FOXN3: variants seen among roughly 807,000 people sequenced by gnomAD.
FOXN3 encodes forkhead box protein N3.
Under a neutral mutation model 38.4 loss-of-function variants are expected in FOXN3, and 7 were observed. That is an observed-to-expected ratio of 0.18 (90% CI 0.10 to 0.34). The LOEUF (loss-of-function observed/expected upper bound fraction) is 0.34, where lower values mean the gene tolerates loss of function less well. Ranked by LOEUF, FOXN3 falls within the 10% of genes least tolerant of loss-of-function variation. The probability of loss-of-function intolerance (pLI) is 1.00; values close to 1 mark genes in which losing one functional copy is unlikely to be tolerated. For missense variants in FOXN3, 456 were observed against 613.4 expected (o/e 0.74, Z 2.71); for synonymous variants, 230 against 242.2 (o/e 0.95, Z 0.47).
chr14:89,455,207 C>T (rs1199527175), intron 1 of FOXN3, among the ~76,000 whole-genome samples: 1 of 152,060 alleles, frequency 6.6e-6, no homozygotes, highest in East Asian at 1.9e-4. Flanking sequence ...CCTGCCCGGC[C>T]GATATGCCAT....
At chr14:89,419,439 G>A (rs1891846134), upstream of FOXN3, 1 of 321,302 alleles carries the variant, frequency 3.1e-6, no homozygotes, top group African/African-American at 2.2e-5. Context: ...AAGGACCCTT[G>A]CGTCTTAGGT....
chr14:89,601,347 T>C (rs1332980291), intron 1 of FOXN3, among the ~76,000 whole-genome samples: 1 of 152,226 alleles, frequency 6.6e-6, no homozygotes, highest in African/African-American at 2.4e-5. Flanking sequence ...ATGCATTGTG[T>C]TTGCATCCTA....
chr14:89,511,624 A>G (rs528106034), intron 1 of FOXN3, among the ~76,000 whole-genome samples: 2 of 152,268 alleles, frequency 1.3e-5, no homozygotes, highest in Non-Finnish European at 2.9e-5. Flanking sequence ...TACCCCCTAC[A>G]GGACTGCACC....
At chr14:89,244,988 T>C (rs1885248153) in intron 4 of FOXN3, among the ~76,000 whole-genome samples, 1 of 152,168 alleles carries the variant, frequency 6.6e-6, no homozygotes, top group African/African-American at 2.4e-5. Flanking sequence ...CCTTCGACTC[T>C]AGGGGTGTGG....
intron 4 of FOXN3, among the ~76,000 whole-genome samples, chr14:89,237,510 G>A (rs1057352019): frequency 3.6e-5 from 5 of 139,516 alleles, no homozygotes; most frequent in Admixed American, 1.5e-4. Context: ...TGATAGAAAT[G>A]TTCTGTATCT....
chr14:89,405,372 A>G (rs927015015), intron 2 of FOXN3, among the ~76,000 whole-genome samples: 1 of 152,110 alleles, frequency 6.6e-6, no homozygotes, highest in African/African-American at 2.4e-5. Flanking sequence ...CCTGGCCTCA[A>G]ATGATGCCCC....
At chr14:89,212,876 A>G (rs927194737) in intron 4 of FOXN3, among the ~76,000 whole-genome samples, 10 of 152,126 alleles carry the variant, frequency 6.6e-5, no homozygotes, top group African/African-American at 2.2e-4. Flanking sequence ...ACCGCTAAGG[A>G]GCAGTTACTT....
chr14:89,616,982 T>C (rs1896507628), intron 1 of FOXN3, among the ~76,000 whole-genome samples: 1 of 152,206 alleles, frequency 6.6e-6, no homozygotes, highest in Admixed American at 6.5e-5. Context: ...AGCCAACAAG[T>C]TCTCCAGGCA....
In FOXN3 at chr14:89,205,921, G is replaced by A. The variant is rs187891812; in HGVS notation, c.746-25115C>T. ...TGCATCCCTGTCACGCGCCCTGGGA[G>A]CGGGTTAAGGGAACTTCTCCCGTTT... On this transcript the variant is annotated intron_variant, in intron 4 of 5. Coordinates refer to ENST00000557258, the MANE Select transcript of FOXN3 (RefSeq NM_005197.4). Among the ~76,000 whole-genome samples the A allele has an allele frequency of 3.6e-3, 554 of 152,336 alleles. 3 individuals carry two copies. Among genetic ancestry groups the A allele is most frequent in the Middle Eastern group, 6.8e-3 (2 of 294 alleles).
At chr14:89,230,626 T>G (rs1298852787) in intron 4 of FOXN3, 1 of 233,006 alleles carries the variant, frequency 4.3e-6, no homozygotes, top group East Asian at 9.4e-5. Context: ...ATCATATTTA[T>G]TGTTTCTTGT....
In FOXN3 at chr14:89,157,376, C is replaced by G. The variant is rs550464111; in HGVS notation, c.*5038G>C. ...CACACATTATTCATGATAAAGCAAC[C>G]GAGCTGACGAGTCTGTGCTTAATTC... On this transcript the variant is annotated 3_prime_UTR_variant, in exon 6 of 6. Transcript: ENST00000557258. The G allele has an allele frequency of 5.4e-4, 82 of 152,696 alleles. No individual in the cohort carries two copies. Among genetic ancestry groups the G allele is most frequent in the African/African-American group, 1.9e-3 (80 of 41,530 alleles). 9.5% of individuals were successfully genotyped at this position (152,696 alleles called of 1,614,324 possible).
Position 89,488,203 on chromosome 14 carries a change from C to T in FOXN3, c.-14-75713G>A, listed in dbSNP as rs917406177. 7.2e-5 allele frequency among the ~76,000 whole-genome samples: 11 copies of T among 152,082 alleles called. No individual in the cohort carries two copies. In the East Asian group the frequency reaches 2.1e-3, roughly 29 times the overall value. On this transcript the variant is annotated intron_variant, in intron 1 of 6. Transcript: ENST00000345097. ...GTTCAAGCGATTCTCCTGCCTCAGC[C>T]TCCCCAGTAGCTGGGATCACAGGAG...
intron 1 of FOXN3, among the ~76,000 whole-genome samples, chr14:89,489,744 C>T (rs889333768): frequency 5.3e-5 from 8 of 152,270 alleles, no homozygotes; most frequent in South Asian, 2.1e-4. Context: ...ACCTGAATTG[C>T]GCTTTATTCC....
intron 2 of FOXN3, among the ~76,000 whole-genome samples, chr14:89,410,889 AAAAAAG>A (rs1489802370): frequency 1.1e-4 from 16 of 147,096 alleles, no homozygotes; most frequent in South Asian, 2.1e-4. Flanking sequence ...AAAAGAGGAA[AAAAAAG>A]AAAAAAGAAA....
intron 3 of FOXN3, among the ~76,000 whole-genome samples, chr14:89,304,403 G>C (rs1011410536): frequency 2.0e-5 from 3 of 152,178 alleles, no homozygotes; most frequent in Non-Finnish European, 4.4e-5. Context: ...AGACAGGAGA[G>C]AGATGTTTGT....
At chr14:89,402,178 G>T (rs1156241219) in intron 2 of FOXN3, among the ~76,000 whole-genome samples, 2 of 152,104 alleles carry the variant, frequency 1.3e-5, no homozygotes, top group East Asian at 3.8e-4. Flanking sequence ...CCTCAATCAA[G>T]CTACCGCTTT....
At chr14:89,312,712 A>G (rs1887594755) in intron 3 of FOXN3, among the ~76,000 whole-genome samples, 1 of 152,166 alleles carries the variant, frequency 6.6e-6, no homozygotes, top group Non-Finnish European at 1.5e-5. Context: ...AGACCCTGGG[A>G]AAGTTACTTG....
chr14:89,452,557 C>A (rs1892634309), intron 1 of FOXN3, among the ~76,000 whole-genome samples: 1 of 152,188 alleles, frequency 6.6e-6, no homozygotes. Context: ...CTGGGGAAAG[C>A]CCGTTTTGAT....
At chr14:89,389,261 T>A (rs984275941) in intron 2 of FOXN3, among the ~76,000 whole-genome samples, 1 of 151,958 alleles carries the variant, frequency 6.6e-6, no homozygotes, top group Non-Finnish European at 1.5e-5. Flanking sequence ...ACAATGTGCA[T>A]CTCTTAGGTA....
Sources: gnomAD v4.1 joint callset for allele counts (sites outside exome capture counted in the v4.1 genomes callset) on GRCh38, gnomAD v4.1.1 for gene constraint, MANE v1.5 for transcripts, NCBI Gene and HGNC (gene_info 2026-07-23, HGNC 2026-07-21) for gene names.